Variants in TSNARE1 observed in about 807,000 individuals in gnomAD.
The protein encoded by TSNARE1 is t-SNARE domain-containing protein 1.
In TSNARE1, 49 loss-of-function variants were observed where a neutral mutation model predicts 62.0. That is an observed-to-expected ratio of 0.79 (90% CI 0.63 to 1.00). The LOEUF (loss-of-function observed/expected upper bound fraction) is 1.00, where lower values mean the gene tolerates loss of function less well. Ranked by LOEUF, TSNARE1 falls within the 50% of genes least tolerant of loss-of-function variation. TSNARE1 has a pLI of 0.00. For synonymous variants in TSNARE1, 328 were observed against 294.4 expected (o/e 1.11, Z -1.17); for missense variants, 755 against 700.1 (o/e 1.08, Z -0.88).
At chr8:142,246,400 C>T (rs1043838610) in intron 12 of TSNARE1, among the ~76,000 whole-genome samples, 2 of 152,128 alleles carry the variant, frequency 1.3e-5, no homozygotes, top group Admixed American at 1.3e-4. Flanking sequence ...CCCTGCCCCC[C>T]ACCATCCAGC....
At chr8:142,365,281 A>C (rs1308395490) in intron 1 of TSNARE1, among the ~76,000 whole-genome samples, 1 of 152,252 alleles carries the variant, frequency 6.6e-6, no homozygotes, top group Non-Finnish European at 1.5e-5. Context: ...CAAAATGTCA[A>C]TGTTATCAAA....
intron 11 of TSNARE1, among the ~76,000 whole-genome samples, chr8:142,284,108 T>A (rs1455251062): frequency 9.1e-6 from 1 of 109,344 alleles, no homozygotes; most frequent in Non-Finnish European, 2.3e-5. Context: ...GGGGCCAGTG[T>A]CTGTCAATGA....
At chr8:142,287,665 G>A (rs1586567299) in intron 10 of TSNARE1, among the ~76,000 whole-genome samples, 1 of 133,156 alleles carries the variant, frequency 7.5e-6, no homozygotes, top group African/African-American at 3.0e-5. Context: ...CCTCCAGGTC[G>A]TGGAACCCAG....
At chr8:142,303,740 C>A (rs975925823) in intron 9 of TSNARE1, among the ~76,000 whole-genome samples, 2 of 152,242 alleles carry the variant, frequency 1.3e-5, no homozygotes, top group African/African-American at 2.4e-5. Context: ...GCTGGTATGA[C>A]TGCATCCAGG....
intron 12 of TSNARE1, among the ~76,000 whole-genome samples, chr8:142,260,976 GGGAGGGAGGAGAGAGGGAGGGGGGT>G (rs1818835844): frequency 3.6e-5 from 3 of 84,082 alleles, no homozygotes; most frequent in Non-Finnish European, 5.4e-5. Flanking sequence ...CAGGGAGGGA[GGGAGGGAGGAGAGAGGGAGGGGGGT>G]GGGGAGGGAG....
chr8:142,278,272 C>T, intron 11 of TSNARE1: 1 of 985,448 alleles, frequency 1.0e-6, no homozygotes, highest in South Asian at 4.7e-5. Context: ...TGGGTCCCAG[C>T]CTCATGCACC....
chr8:142,277,879 A>T (rs1443571478), intron 11 of TSNARE1: 5 of 985,234 alleles, frequency 5.1e-6, no homozygotes, highest in Non-Finnish European at 6.0e-6. Flanking sequence ...CACCTGGGCC[A>T]CACCAGTGCC....
In TSNARE1 at chr8:142,318,575, T is replaced by C. The variant is rs754819424; in HGVS notation, c.953A>G (p.Gln318Arg). The change falls in exon 7 of 14, where the codon CAG becomes CGG. Residue 318 changes from glutamine (Q) to arginine (R), a missense_variant. Transcript: ENST00000524325. ...GGAGCTGCGCAGCAGCTCGGCCATCTGCTTCACGGAGCTGGCGCTGGCTGC... is the reference window on the plus strand; with the variant it reads ...GGAGCTGCGCAGCAGCTCGGCCATCCGCTTCACGGAGCTGGCGCTGGCTGC... ...TIAASASSVK[Q>R]MAELLRSSCP... The C allele has an allele frequency of 5.0e-6, 8 of 1,613,556 alleles. No individual in the cohort carries two copies. In the East Asian group the frequency reaches 1.8e-4, roughly 36 times the overall value.
chr8:142,358,857 G>A (rs1304973681), intron 1 of TSNARE1, among the ~76,000 whole-genome samples: 2 of 151,932 alleles, frequency 1.3e-5, no homozygotes, highest in African/African-American at 2.4e-5. Context: ...GGTGCCCCAC[G>A]CTTCCACTTC....
At chr8:142,288,308 C>T (rs1269884102) in intron 10 of TSNARE1, among the ~76,000 whole-genome samples, 1 of 152,228 alleles carries the variant, frequency 6.6e-6, no homozygotes, top group East Asian at 1.9e-4. Flanking sequence ...CTGCACTGGG[C>T]GTTCCCTGCT....
chr8:142,363,432 AG>A (rs970487856), intron 1 of TSNARE1, among the ~76,000 whole-genome samples: 3 of 152,128 alleles, frequency 2.0e-5, no homozygotes, highest in African/African-American at 7.2e-5. Context: ...CAAGGTGCAC[AG>A]GGGCCTCGTG....
intron 7 of TSNARE1, among the ~76,000 whole-genome samples, chr8:142,315,596 A>AGCTGGG (rs1201672842): frequency 2.0e-5 from 3 of 152,008 alleles, no homozygotes; most frequent in Non-Finnish European, 4.4e-5. Flanking sequence ...CCTGCTTCAG[A>AGCTGGG]GCTGGAGCTG....
intron 11 of TSNARE1, chr8:142,275,815 G>A (rs952411493): frequency 5.1e-6 from 5 of 977,392 alleles, no homozygotes; most frequent in South Asian, 4.8e-5. Flanking sequence ...GGATAGAGAG[G>A]CCATTACAAC....
At chr8:142,293,003 G>C (rs1481670951) in intron 10 of TSNARE1, among the ~76,000 whole-genome samples, 1 of 152,038 alleles carries the variant, frequency 6.6e-6, no homozygotes, top group Non-Finnish European at 1.5e-5. Flanking sequence ...ACCACGGCTC[G>C]CCTTTCCTGC....
Position 142,354,709 on chromosome 8 carries a change from T to C in TSNARE1, c.16A>G (p.Ile6Val), listed in dbSNP as rs1000859201. Residue 6 changes from isoleucine to valine, a missense_variant, in exon 2 of 14, where the codon ATC (isoleucine) becomes GTC (valine). Ile to Val is a conservative substitution (Grantham distance 29). Transcript: ENST00000524325. MSYGS[I>V]ARGGGLGSRG... Reference sequence around the variant, plus strand: ...CTCCCCAGGCCACCTCCACGGGCGATGGATCCGTATGACATCTTCTTACAG... The same window carrying C: ...CTCCCCAGGCCACCTCCACGGGCGACGGATCCGTATGACATCTTCTTACAG... 6.2e-7 allele frequency: 1 copy of C among 1,613,230 alleles called. No homozygotes were observed. The highest frequency in any genetic ancestry group is 1.3e-5 in the African/African-American group (1 of 74,874).
At chr8:142,341,953 A>G (rs895575541) in intron 4 of TSNARE1, among the ~76,000 whole-genome samples, 5 of 152,200 alleles carry the variant, frequency 3.3e-5, no homozygotes, top group African/African-American at 1.2e-4. Context: ...CCATGACAGC[A>G]GTGCTCTGTG....
rs1182637683 is a variant in TSNARE1 at position 142,361,015 on chromosome 8, C to T, written c.-39-6252G>A. Among the ~76,000 whole-genome samples, 8 of 152,142 alleles carry T rather than the reference C, an allele frequency of 5.3e-5. No individual in the cohort carries two copies. In the South Asian group the frequency reaches 6.2e-4, roughly 12 times the overall value. On this transcript the variant is annotated intron_variant, in intron 1 of 13. Transcript: ENST00000524325. ...CAGATGGGAACAGCGTTCCCCGGGC[C>T]GGGGCTTCCAGAACAGCTCCAGCCC...
chr8:142,261,455 G>A (rs1459745194), intron 12 of TSNARE1, among the ~76,000 whole-genome samples: 1 of 151,604 alleles, frequency 6.6e-6, no homozygotes, highest in Non-Finnish European at 1.5e-5. Context: ...CGGGGAGGGA[G>A]AGTGGTGAAC....
intron 11 of TSNARE1, chr8:142,277,773 C>T (rs986620782): frequency 5.1e-6 from 5 of 985,266 alleles, no homozygotes; most frequent in Non-Finnish European, 4.8e-6. Flanking sequence ...TCACAGAAGT[C>T]GAGGCTGGGT....
Sources: gnomAD v4.1 joint callset for allele counts (sites outside exome capture counted in the v4.1 genomes callset) on GRCh38, gnomAD v4.1.1 for gene constraint, MANE v1.5 for transcripts, NCBI Gene and HGNC (gene_info 2026-07-23, HGNC 2026-07-21) for gene names.